The following ABTB3 variants were observed in gnomAD, a reference collection of about 807,000 sequenced individuals.
ABTB3 encodes ankyrin repeat and BTB domain containing 3.
At chr12:107,615,257 C>A in the ABTB3 span, 1 of 932,438 alleles carries the variant, frequency 1.1e-6, no homozygotes, top group Non-Finnish European at 1.7e-6. Context: ...TTCTCTAAGA[C>A]ATTCATATTG....
chr12:107,575,380 C>T, the ABTB3 span, among the ~76,000 whole-genome samples: 2 of 152,228 alleles, frequency 1.3e-5, no homozygotes, highest in South Asian at 2.1e-4. Flanking sequence ...AGCACTTTCT[C>T]GGTACCAGGC....
chr12:107,372,528 A>AG, the ABTB3 span, among the ~76,000 whole-genome samples: 1 of 152,124 alleles, frequency 6.6e-6, no homozygotes, highest in Non-Finnish European at 1.5e-5. Context: ...TGTATTACCA[A>AG]GGGGGGCCAT....
chr12:107,544,084 A>G, the ABTB3 span: 1 of 1,613,976 alleles, frequency 6.2e-7, no homozygotes, highest in Non-Finnish European at 8.5e-7. Flanking sequence ...CTGCCCACAA[A>G]TGGAATGGGA....
At chr12:107,451,623 C>G in the ABTB3 span, among the ~76,000 whole-genome samples, 2 of 152,112 alleles carry the variant, frequency 1.3e-5, no homozygotes, top group African/African-American at 4.8e-5. Context: ...GAATCTTACC[C>G]CTGCCTGGTT....
chr12:107,373,014 T>C, the ABTB3 span, among the ~76,000 whole-genome samples: 4 of 152,262 alleles, frequency 2.6e-5, no homozygotes, highest in South Asian at 8.3e-4. Context: ...TTAAGCAGCA[T>C]CCCTGGCCTC....
At chr12:107,424,979 C>T in the ABTB3 span, among the ~76,000 whole-genome samples, 1 of 152,236 alleles carries the variant, frequency 6.6e-6, no homozygotes, top group Admixed American at 6.5e-5. Flanking sequence ...TCTAACTGGT[C>T]TCCCCACTCC....
the ABTB3 span, among the ~76,000 whole-genome samples, chr12:107,517,423 A>T: frequency 2.0e-5 from 3 of 152,182 alleles, no homozygotes; most frequent in African/African-American, 7.2e-5. Context: ...TGGTAGCTTG[A>T]TGGGGATGGC....
the ABTB3 span, among the ~76,000 whole-genome samples, chr12:107,630,732 G>A: frequency 6.6e-6 from 1 of 152,128 alleles, no homozygotes; most frequent in African/African-American, 2.4e-5. Flanking sequence ...ACCACACCGG[G>A]TTTTTAAAAT....
At chr12:107,335,326 A>AAAAAT in the ABTB3 span, among the ~76,000 whole-genome samples, 1 of 138,084 alleles carries the variant, frequency 7.2e-6, no homozygotes, top group African/African-American at 2.9e-5. Context: ...AAAAAAAAAA[A>AAAAAT]GCAGCAGCAT....
the ABTB3 span, among the ~76,000 whole-genome samples, chr12:107,394,084 C>A: frequency 1.3e-5 from 2 of 152,216 alleles, no homozygotes; most frequent in African/African-American, 2.4e-5. Context: ...CCATCAAACC[C>A]TTCTGCAAAG....
the ABTB3 span, among the ~76,000 whole-genome samples, chr12:107,578,026 G>C: frequency 1.3e-5 from 2 of 151,702 alleles, no homozygotes; most frequent in African/African-American, 4.8e-5. Context: ...AAAGTATAAA[G>C]AGAATGCAAG....
At chr12:107,336,937 T>C in the ABTB3 span, among the ~76,000 whole-genome samples, 1 of 152,236 alleles carries the variant, frequency 6.6e-6, no homozygotes, top group Non-Finnish European at 1.5e-5. Context: ...TTGCTAACCA[T>C]TGGTTAACTG....
chr12:107,489,825 C>T, the ABTB3 span, among the ~76,000 whole-genome samples: 1 of 151,814 alleles, frequency 6.6e-6, no homozygotes, highest in African/African-American at 2.4e-5. Flanking sequence ...TGCAGTGTTA[C>T]CATTATGGCT....
the ABTB3 span, chr12:107,618,100 C>A: frequency 6.5e-7 from 1 of 1,547,354 alleles, no homozygotes; most frequent in Non-Finnish European, 8.8e-7. Context: ...CCCTGCCCTG[C>A]CCCAGCAGAT....
At chr12:107,626,224 GAGTT>G in the ABTB3 span, among the ~76,000 whole-genome samples, 2 of 152,042 alleles carry the variant, frequency 1.3e-5, no homozygotes, top group African/African-American at 2.4e-5. Flanking sequence ...GTAATGTCCA[GAGTT>G]TTTAGTTGCA....
chr12:107,378,238 C>A, the ABTB3 span, among the ~76,000 whole-genome samples: 1 of 152,182 alleles, frequency 6.6e-6, no homozygotes, highest in Non-Finnish European at 1.5e-5. Context: ...GTCTCTTAAC[C>A]TCAAGTCACT....
the ABTB3 span, among the ~76,000 whole-genome samples, chr12:107,613,688 T>G: frequency 6.6e-6 from 1 of 152,152 alleles, no homozygotes; most frequent in African/African-American, 2.4e-5. Flanking sequence ...TCGTCATAGG[T>G]GAAATATCAC....
the ABTB3 span, among the ~76,000 whole-genome samples, chr12:107,373,678 A>G: frequency 6.6e-6 from 1 of 152,160 alleles, no homozygotes; most frequent in Non-Finnish European, 1.5e-5. Context: ...AAAGCAACTA[A>G]AATTGAGTCA....
the ABTB3 span, among the ~76,000 whole-genome samples, chr12:107,346,516 G>C: frequency 7.4e-4 from 112 of 152,234 alleles, 1 homozygote; most frequent in Admixed American, 6.3e-3. Flanking sequence ...CTGGAGTGCA[G>C]TGGTGTGATC....
Sources: gnomAD v4.1 joint callset for allele counts (sites outside exome capture counted in the v4.1 genomes callset) on GRCh38, gnomAD v4.1.1 for gene constraint, MANE v1.5 for transcripts, NCBI Gene and HGNC (gene_info 2026-07-23, HGNC 2026-07-21) for gene names.